ITFG2: variants seen among roughly 807,000 people sequenced by gnomAD.
ITFG2 encodes the protein integrin alpha FG-GAP repeat containing 2.
Under a neutral mutation model 54.4 loss-of-function variants are expected in ITFG2, and 36 were observed. The ratio of observed to expected loss-of-function variants is 0.66; its 90% CI spans 0.51 to 0.87. The LOEUF (loss-of-function observed/expected upper bound fraction) is 0.87. Among genes scored for constraint, ITFG2 ranks in the 40% least tolerant of loss-of-function variants. ITFG2 has a pLI of 0.00. For synonymous variants in ITFG2, 211 were observed against 225.4 expected, an observed-to-expected ratio of 0.94 and a Z score of 0.57; for missense variants, 524 against 576.7, an observed-to-expected ratio of 0.91 and a Z score of 0.94.
At chr12:2,817,781 G>T in intron 2 of ITFG2, 128 bp from the exon 3 acceptor site, 1 of 851,344 alleles carries the variant, frequency 1.2e-6, no homozygotes, top group Non-Finnish European at 1.8e-6. Context: ...CATCACCATG[G>T]TTCATATGGC....
chr12:2,848,894 C>CAT, intron 2 of ITFG2: 2 of 333,248 alleles, frequency 6.0e-6, no homozygotes, highest in Admixed American at 4.7e-5. Context: ...CACACACACA[C>CAT]ACACACACAC....
At chr12:2,820,290 A>G in intron 5 of ITFG2, 65 bp downstream of exon 5, 1 of 1,491,318 alleles carries the variant, frequency 6.7e-7, no homozygotes, top group Non-Finnish European at 8.9e-7. Context: ...TGGAGGAGGT[A>G]GTGGGAGAGC....
exon 4 of ITFG2, chr12:2,859,551 T>A (rs776815658): frequency 1.2e-6 from 2 of 1,614,104 alleles, no homozygotes; most frequent in East Asian, 2.2e-5. Context: ...TTCTTCCTCC[T>A]TGATAGTCTG....
chr12:2,817,496 A>G (rs950391518), intron 2 of ITFG2, 178 bp downstream of exon 2: 2 of 593,242 alleles, frequency 3.4e-6, no homozygotes, highest in African/African-American at 1.9e-5. Flanking sequence ...TAGTGCTCCC[A>G]TCTGTCCTCA....
chr12:2,827,064 A>T (rs914432732), downstream of ITFG2: 8 of 1,484,580 alleles, frequency 5.4e-6, no homozygotes, highest in Admixed American at 5.3e-5. The surrounding 1 kb of genome is among the most constrained non-coding windows in gnomAD (Gnocchi z 4.0). Flanking sequence ...CAGCTGGGGA[A>T]AATGGGACAG....
chr12:2,834,725 GT>G (rs762067852), upstream of ITFG2: 5 of 1,613,990 alleles, frequency 3.1e-6, no homozygotes, highest in African/African-American at 6.7e-5. Context: ...TGGGTGGCCT[GT>G]TTGAGCCGGC....
intron 1 of ITFG2, among the ~76,000 whole-genome samples, chr12:2,838,712 A>G (rs1474766011): frequency 6.6e-6 from 1 of 151,906 alleles, no homozygotes; most frequent in Non-Finnish European, 1.5e-5. Context: ...CTTGGGGCAG[A>G]CTCCGCAGTA....
At chr12:2,817,180 A>T (rs1399160878) in intron 1 of ITFG2, 43 bp from the exon 2 acceptor site, 1 of 1,337,232 alleles carries the variant, frequency 7.5e-7, no homozygotes, top group Non-Finnish European at 1.1e-6. Flanking sequence ...GAAGAGGTTC[A>T]GCAGAGTCCC....
At chr12:2,815,263 G>A (rs918705397) in intron 1 of ITFG2, among the ~76,000 whole-genome samples, 33 of 152,354 alleles carry the variant, frequency 2.2e-4, no homozygotes, top group African/African-American at 7.5e-4. Flanking sequence ...TGTATTCTGG[G>A]AACAGGAAGG....
downstream of ITFG2, among the ~76,000 whole-genome samples, chr12:2,829,258 A>G (rs1302614793): frequency 6.6e-6 from 1 of 151,858 alleles, no homozygotes; most frequent in Non-Finnish European, 1.5e-5. Context: ...GAAGTTCGCT[A>G]TTGGAAACAA....
chr12:2,828,654 G>C (rs1407296090), downstream of ITFG2, among the ~76,000 whole-genome samples: 1 of 151,998 alleles, frequency 6.6e-6, no homozygotes, highest in Non-Finnish European at 1.5e-5. Context: ...AGCCTGACCA[G>C]GGTTTAGTAG....
At chr12:2,848,196 CAAA>C (rs1259465275) in intron 2 of ITFG2, among the ~76,000 whole-genome samples, 1 of 152,116 alleles carries the variant, frequency 6.6e-6, no homozygotes, top group Admixed American at 6.5e-5. Flanking sequence ...GAAATGGAGA[CAAA>C]GAAGGCCGTG....
upstream of ITFG2, chr12:2,834,624 G>T: frequency 2.6e-6 from 4 of 1,558,872 alleles, no homozygotes; most frequent in South Asian, 4.8e-5. Context: ...CGCTGGCAGG[G>T]GAGGGGTGAT....
At chr12:2,835,807 C>G (rs991408740), upstream of ITFG2, among the ~76,000 whole-genome samples, 2 of 152,228 alleles carry the variant, frequency 1.3e-5, no homozygotes, top group South Asian at 4.1e-4. Context: ...CAGGCCCAGA[C>G]TTCTTTATAT....
chr12:2,849,417 C>T, intron 2 of ITFG2: 1 of 1,536,162 alleles, frequency 6.5e-7, no homozygotes, highest in Non-Finnish European at 8.7e-7. Flanking sequence ...GGTAGTGAGG[C>T]AGAGGGTTTG....
intron 11 of ITFG2, 49 bp downstream of exon 11, chr12:2,823,992 A>G: frequency 1.9e-6 from 3 of 1,606,452 alleles, no homozygotes; most frequent in Non-Finnish European, 2.5e-6. Context: ...GACCCACAGC[A>G]TGCTGCAGGA....
chr12:2,855,341 A>G lies in ITFG2; in HGVS notation n.301-2671A>G, dbSNP rs973410744. The G allele has an allele frequency of 7.6e-5, 100 of 1,317,750 alleles. No homozygotes were observed. The African/African-American group carries it at 1.4e-3, about 18-fold the overall frequency. The allele number at this position is 1,317,750 out of a possible 1,614,324, so 81.6% of individuals were successfully genotyped here. ...GGCAGCTTCAGAGCCAGCTGGTGGT[A>G]GGCTTGCCGGGTGAAGCCAGGGAAC... On this transcript the variant is annotated intron_variant and non_coding_transcript_variant, in intron 2 of 3. Coordinates refer to the ITFG2 transcript ENST00000537710.
At chr12:2,849,617 G>T (rs1603488269) in intron 2 of ITFG2, 1 of 1,403,772 alleles carries the variant, frequency 7.1e-7, no homozygotes, top group East Asian at 2.5e-5. Flanking sequence ...TGATGCCGCT[G>T]TCCACAAGCT....
intron 1 of ITFG2, among the ~76,000 whole-genome samples, chr12:2,816,063 G>T (rs1350603172): frequency 7.0e-6 from 1 of 143,634 alleles, no homozygotes; most frequent in Non-Finnish European, 1.5e-5. Flanking sequence ...ACAGAGTCTC[G>T]CTCTGTCATC....
Sources: gnomAD v4.1 joint callset for allele counts (sites outside exome capture counted in the v4.1 genomes callset) on GRCh38, gnomAD v4.1.1 for gene constraint, Gnocchi (gnomAD v3.1) non-coding constraint, MANE v1.5 for transcripts, NCBI Gene and HGNC (gene_info 2026-07-23, HGNC 2026-07-21) for gene names.